The following FTO variants were observed in gnomAD, a reference collection of about 807,000 sequenced individuals.
FTO encodes the protein alpha-ketoglutarate-dependent dioxygenase FTO.
FTO carries 47 observed loss-of-function variants against 63.9 expected under a neutral mutation model. That is an observed-to-expected ratio of 0.74 (90% CI 0.58 to 0.94). The LOEUF (loss-of-function observed/expected upper bound fraction) is 0.94, where lower values mean the gene tolerates loss of function less well. Among genes scored for constraint, FTO ranks in the 40% least tolerant of loss-of-function variants. The pLI is 0.00. For synonymous variants in FTO, 207 were observed against 224.4 expected (o/e 0.92, Z 0.69); for missense variants, 562 against 618.1 (o/e 0.91, Z 0.96).
intron 4 of FTO, among the ~76,000 whole-genome samples, chr16:53,851,066 T>C (rs974457555): frequency 3.3e-5 from 5 of 151,998 alleles, no homozygotes; most frequent in Non-Finnish European, 7.4e-5. Flanking sequence ...TTGTCCAAAT[T>C]TTTCTGAGAC....
intron 8 of FTO, among the ~76,000 whole-genome samples, chr16:54,012,006 G>C (rs565167304): frequency 6.6e-6 from 1 of 152,206 alleles, no homozygotes; most frequent in Non-Finnish European, 1.5e-5. Flanking sequence ...GAAAGGAAGA[G>C]TTGCACATCT....
intron 2 of FTO, among the ~76,000 whole-genome samples, chr16:53,820,517 T>G (rs916754548): frequency 1.3e-5 from 2 of 151,686 alleles, no homozygotes; most frequent in Admixed American, 1.3e-4. Flanking sequence ...TTAGGGTACA[T>G]GTGCACATTG....
chr16:53,709,836 C>A (rs1357390830), intron 1 of FTO, among the ~76,000 whole-genome samples: 1 of 152,072 alleles, frequency 6.6e-6, no homozygotes, highest in Non-Finnish European at 1.5e-5. Flanking sequence ...CTCTTTACCC[C>A]TAAATAGTTC....
intron 8 of FTO, among the ~76,000 whole-genome samples, chr16:54,007,285 A>G (rs997682629): frequency 5.3e-5 from 8 of 152,194 alleles, no homozygotes; most frequent in African/African-American, 1.9e-4. Context: ...GTGTACATGT[A>G]CCCTAAAACT....
intron 4 of FTO, among the ~76,000 whole-genome samples, chr16:53,856,391 A>G (rs1012518766): frequency 8.6e-5 from 13 of 151,828 alleles, no homozygotes; most frequent in Non-Finnish European, 1.5e-5. Flanking sequence ...TTATTTACCA[A>G]ATAAATAGGA....
chr16:53,717,828 T>G (rs1006167226), intron 1 of FTO, among the ~76,000 whole-genome samples: 1 of 152,196 alleles, frequency 6.6e-6, no homozygotes, highest in Non-Finnish European at 1.5e-5. Context: ...CTGATTTGAA[T>G]GCTTAAATAA....
intron 8 of FTO, among the ~76,000 whole-genome samples, chr16:54,081,770 G>A (rs1286259454): frequency 6.6e-6 from 1 of 152,090 alleles, no homozygotes; most frequent in East Asian, 1.9e-4. Flanking sequence ...GAGAGGATGG[G>A]CCATTATTTA....
rs2086993856 is a variant in FTO at position 54,119,842 on chromosome 16, G to A, written c.*7927G>A. 1 of 152,208 alleles carries A rather than the reference G, an allele frequency of 6.6e-6. No individual in the cohort carries two copies. The highest frequency in any genetic ancestry group is 6.5e-5 in the Admixed American group (1 of 15,282). 9.4% of individuals were successfully genotyped at this position (152,208 alleles called of 1,614,324 possible). ...GCAACATAAGTTTGAAACTAACTGT[G>A]TATGACTAAGGCTCCATTTGCTGTC... On this transcript the variant is annotated 3_prime_UTR_variant, in exon 9 of 9. Transcript: ENST00000471389.
intron 8 of FTO, among the ~76,000 whole-genome samples, chr16:53,942,731 C>T (rs561613322): frequency 6.6e-6 from 1 of 152,314 alleles, no homozygotes; most frequent in African/African-American, 2.4e-5. Context: ...AGTGGAGCTC[C>T]TCACCTTGAG....
intron 1 of FTO, among the ~76,000 whole-genome samples, chr16:53,739,416 G>GT (rs981056347): frequency 6.8e-6 from 1 of 147,454 alleles, no homozygotes; most frequent in Middle Eastern, 3.3e-3. Context: ...GGGTTTTACC[G>GT]TGTTAGCCAG....
chr16:53,967,465 A>T (rs1010953947), intron 8 of FTO, among the ~76,000 whole-genome samples: 7 of 152,132 alleles, frequency 4.6e-5, no homozygotes, highest in Non-Finnish European at 1.0e-4. Flanking sequence ...AGAGCTAGGG[A>T]CAGAGATATT....
At chr16:53,772,541 A>T (rs56094641) in intron 1 of FTO, among the ~76,000 whole-genome samples, 1 of 152,046 alleles carries the variant, frequency 6.6e-6, no homozygotes, top group East Asian at 1.9e-4. Context: ...GTCTTCCAAC[A>T]TTAAAATGTA....
At chr16:53,713,826 T>G (rs2075833198) in intron 1 of FTO, among the ~76,000 whole-genome samples, 1 of 152,214 alleles carries the variant, frequency 6.6e-6, no homozygotes, top group Non-Finnish European at 1.5e-5. Flanking sequence ...AGCAGATCTC[T>G]GGCACTGATT....
chr16:53,809,051 A>G (rs550236174), intron 1 of FTO, among the ~76,000 whole-genome samples: 9 of 152,344 alleles, frequency 5.9e-5, no homozygotes, highest in Non-Finnish European at 1.0e-4. Flanking sequence ...TCTTTGAAAA[A>G]TATCCCTCAG....
At chr16:53,886,182 C>T (rs1683236280) in intron 6 of FTO, among the ~76,000 whole-genome samples, 1 of 152,214 alleles carries the variant, frequency 6.6e-6, no homozygotes, top group African/African-American at 2.4e-5. Context: ...TAGCCTTCTC[C>T]TTGCTTCCAA....
chr16:53,918,736 T>C lies in FTO; in HGVS notation c.1240-15249T>C, dbSNP rs182812940. Among the ~76,000 whole-genome samples, 296 of 152,316 alleles carry C rather than the reference T, an allele frequency of 1.9e-3. 4 individuals are homozygous for C. The highest frequency in any genetic ancestry group is 0.016 in the Admixed American group (247 of 15,300). On this transcript the variant is annotated intron_variant, in intron 7 of 8. Transcript: ENST00000471389. ...CTCCTAGTGGCCAGGTATTGTGACC[T>C]TCTGGATGTCTTCTGTATAGCAGAG...
intron 7 of FTO, among the ~76,000 whole-genome samples, chr16:53,916,319 G>A (rs76299885): frequency 0.028 from 4,224 of 152,134 alleles, 90 homozygotes; most frequent in Non-Finnish European, 0.05. Flanking sequence ...ACCACTATCC[G>A]GTTCATATGC....
intron 1 of FTO, among the ~76,000 whole-genome samples, chr16:53,709,630 A>T (rs1433595591): frequency 6.6e-6 from 1 of 152,108 alleles, no homozygotes; most frequent in Non-Finnish European, 1.5e-5. Flanking sequence ...CCCAGATGTT[A>T]TAATTTATTA....
intron 1 of FTO, among the ~76,000 whole-genome samples, chr16:53,719,381 A>G (rs2151483983): frequency 1.3e-5 from 2 of 151,036 alleles, no homozygotes; most frequent in East Asian, 4.0e-4. Flanking sequence ...ACAGGCGTGC[A>G]CCACCATGCC....
Sources: allele counts gnomAD v4.1 joint callset (sites outside exome capture counted in the v4.1 genomes callset), GRCh38; gene constraint gnomAD v4.1.1; transcripts MANE v1.5; gene names NCBI Gene and HGNC (gene_info 2026-07-23, HGNC 2026-07-21).